Variants in BMF observed in about 807,000 individuals in gnomAD.
The protein encoded by BMF is Bcl2 modifying factor, also known as bcl-2-modifying factor.
A neutral mutation model predicts 22.0 loss-of-function variants in BMF; 10 were observed. That is an observed-to-expected ratio of 0.45 (90% CI 0.28 to 0.77). BMF has a LOEUF of 0.77. Ranked by LOEUF, BMF falls within the 30% of genes least tolerant of loss-of-function variation. The probability of loss-of-function intolerance (pLI) is 0.13; values close to 1 mark genes in which losing one functional copy is unlikely to be tolerated. For missense variants in BMF, 206 were observed against 226.8 expected (o/e 0.91, Z 0.59); for synonymous variants, 87 against 88.1 (o/e 0.99, Z 0.07).
chr15:40,099,487 A>G (rs2141025116), intron 4 of BMF, among the ~76,000 whole-genome samples: 1 of 152,302 alleles, frequency 6.6e-6, no homozygotes, highest in Middle Eastern at 3.4e-3. Context: ...AGTATTAGAA[A>G]CCAAGACTAA....
At chr15:40,093,501 A>G (rs1243491127) in intron 4 of BMF, among the ~76,000 whole-genome samples, 1 of 152,252 alleles carries the variant, frequency 6.6e-6, no homozygotes, top group East Asian at 1.9e-4. Context: ...AAATCTGGTT[A>G]GAGTAAAACA....
At chr15:40,101,626 A>G (rs2036477842) in intron 4 of BMF, among the ~76,000 whole-genome samples, 2 of 152,254 alleles carry the variant, frequency 1.3e-5, no homozygotes, top group South Asian at 2.1e-4. Context: ...TGTAGTTTAT[A>G]TAAGAATCAA....
At position 40,108,395 on chromosome 15, in the gene BMF, G is replaced by A. The variant is rs2036631576; in HGVS notation, c.-133-9C>T. ...GGAGGGAAAAAGCCCAGCTGTTAAG[G>A]AGAGGAGCCTTCAGACTCCGCAGAG... On this transcript the variant is annotated splice_polypyrimidine_tract_variant and intron_variant, in intron 1 of 4. Transcript: ENST00000354670. 6.5e-6 allele frequency: 1 copy of A among 152,802 alleles called. No homozygotes were observed. The highest frequency in any genetic ancestry group is 6.5e-5 in the Admixed American group (1 of 15,286). The allele number at this position is 152,802 out of a possible 1,614,324, so 9.5% of individuals were successfully genotyped here. A position where few individuals can be genotyped will look rare whatever the true frequency, so the allele number is the denominator to read the frequency against.
chr15:40,104,138 C>A, intron 4 of BMF, 42 bp downstream of exon 4: 2 of 1,610,062 alleles, frequency 1.2e-6, no homozygotes, highest in Non-Finnish European at 1.7e-6. Flanking sequence ...GCCCCCAAGC[C>A]CCAGCAGACT....
intron 4 of BMF, among the ~76,000 whole-genome samples, chr15:40,101,875 T>C (rs1230533828): frequency 6.6e-6 from 1 of 152,160 alleles, no homozygotes; most frequent in Non-Finnish European, 1.5e-5. Context: ...AACCAGCTCT[T>C]TGAGCTAGAA....
rs1254174169 is a variant in BMF, at chr15:40,095,258, TACA to T, written c.454-3373_454-3371del. On this transcript the variant is annotated intron_variant, in intron 4 of 4. Transcript: ENST00000354670. ...ATCAAAGAATGCCCTGATTACAAAA[TACA>T]ACAATAAATAAAATTTTTCCTAAAA... Among the ~76,000 whole-genome samples the T allele has an allele frequency of 2.0e-5, 3 of 151,852 alleles. No homozygotes were observed. In the East Asian group the frequency reaches 5.8e-4, roughly 29 times the overall value.
chr15:40,092,304 G>A (rs766530835), intron 4 of BMF, among the ~76,000 whole-genome samples: 4 of 152,078 alleles, frequency 2.6e-5, no homozygotes, highest in Non-Finnish European at 4.4e-5. Context: ...CGACTCCAAA[G>A]TAACACAGAG....
At chr15:40,101,403 T>G (rs980864456) in intron 4 of BMF, among the ~76,000 whole-genome samples, 5 of 152,212 alleles carry the variant, frequency 3.3e-5, no homozygotes. Context: ...TGAAGTCAAG[T>G]GACTTCCTGA....
chr15:40,099,284 T>A (rs1280108233), intron 4 of BMF, among the ~76,000 whole-genome samples: 1 of 152,246 alleles, frequency 6.6e-6, no homozygotes, highest in African/African-American at 2.4e-5. Flanking sequence ...GCAGAGAAGC[T>A]GCTAGTTAAT....
chr15:40,104,198 G>A lies in BMF; in HGVS notation c.435C>T (p.His145=), dbSNP rs1434621117. 1 of 1,614,118 alleles carries A rather than the reference G, an allele frequency of 6.2e-7. No homozygotes were observed. The highest frequency in any genetic ancestry group is 8.5e-7 in the Non-Finnish European group (1 of 1,180,046). Reference sequence around the variant, plus strand: ...TGCCTACTTGCTGCACATGAAGCCGGTGGAACTGGTCTGCAATGCACTGAA... The same window carrying A: ...TGCCTACTTGCTGCACATGAAGCCGATGGAACTGGTCTGCAATGCACTGAA... The part of the protein sequence containing the change: ...RKLQCIADQF[H]RLHVQQHQQN... Residue 145 remains histidine (H), a synonymous_variant, in exon 4 of 5, where the codon CAC becomes CAT. Transcript: ENST00000354670.
At chr15:40,107,390 T>G (rs917852292) in intron 2 of BMF, among the ~76,000 whole-genome samples, 1 of 152,196 alleles carries the variant, frequency 6.6e-6, no homozygotes, top group Admixed American at 6.5e-5. Flanking sequence ...TGTGAGCTGC[T>G]TGCTTGGGCC....
chr15:40,102,614 G>A (rs768560064), intron 4 of BMF, among the ~76,000 whole-genome samples: 4 of 152,060 alleles, frequency 2.6e-5, no homozygotes, highest in African/African-American at 4.8e-5. Flanking sequence ...TGGTGAAAGA[G>A]ATCAGATTAT....
chr15:40,092,536 T>C (rs1357704995), intron 4 of BMF, among the ~76,000 whole-genome samples: 1 of 152,210 alleles, frequency 6.6e-6, no homozygotes, highest in Admixed American at 6.5e-5. Flanking sequence ...GCCCTTTTTA[T>C]AGATGCTCTT....
At chr15:40,096,059 AG>A (rs1389798026) in intron 4 of BMF, among the ~76,000 whole-genome samples, 1 of 152,152 alleles carries the variant, frequency 6.6e-6, no homozygotes, top group Admixed American at 6.5e-5. Context: ...GTCTGAGGCC[AG>A]GAACAACTGA....
intron 4 of BMF, among the ~76,000 whole-genome samples, chr15:40,102,537 G>A (rs2036500615): frequency 6.6e-6 from 1 of 152,150 alleles, no homozygotes; most frequent in African/African-American, 2.4e-5. Flanking sequence ...TGCCAGGGAG[G>A]GCTCCCGGCC....
At position 40,089,529 on chromosome 15, in the gene BMF, T is replaced by C. The variant is rs1450954037; in HGVS notation, c.*2258A>G. On this transcript the variant is annotated 3_prime_UTR_variant, in exon 5 of 5. Coordinates refer to ENST00000354670, the MANE Select transcript of BMF (RefSeq NM_001003940.2). ...ACCTGCCCCAGGCTTGATGTTGAGGTGGGTTTGTCAAAGTCTGGGCTCAGT... is the reference window on the plus strand; with the variant it reads ...ACCTGCCCCAGGCTTGATGTTGAGGCGGGTTTGTCAAAGTCTGGGCTCAGT... 1 of 152,088 alleles carries C rather than the reference T, an allele frequency of 6.6e-6. No individual in the cohort carries two copies. Among genetic ancestry groups the C allele is most frequent in the Non-Finnish European group, 1.5e-5 (1 of 68,018 alleles). The allele number at this position is 152,088 out of a possible 1,614,324, so 9.4% of individuals were successfully genotyped here.
chr15:40,102,768 G>A (rs1331351105), intron 4 of BMF, among the ~76,000 whole-genome samples: 3 of 152,230 alleles, frequency 2.0e-5, no homozygotes, highest in Non-Finnish European at 4.4e-5. Flanking sequence ...CCACGGTGGA[G>A]TGAATGGGCA....
intron 4 of BMF, among the ~76,000 whole-genome samples, chr15:40,098,032 C>T (rs772596027): frequency 7.2e-5 from 11 of 152,042 alleles, no homozygotes; most frequent in Non-Finnish European, 1.3e-4. Flanking sequence ...CCCAGAGGCC[C>T]GAGGAACGAG....
intron 2 of BMF, among the ~76,000 whole-genome samples, chr15:40,107,533 AGTGTGTGTGTGT>A (rs58296260): frequency 0.014 from 1,964 of 137,506 alleles, 42 homozygotes; most frequent in African/African-American, 0.049. Flanking sequence ...GTGTTTCCCA[AGTGTGTGTGTGT>A]GTGTGTGTGT....
Sources: gnomAD v4.1 joint callset for allele counts (sites outside exome capture counted in the v4.1 genomes callset) on GRCh38, gnomAD v4.1.1 for gene constraint, MANE v1.5 for transcripts, NCBI Gene and HGNC (gene_info 2026-07-23, HGNC 2026-07-21) for gene names.